CDH13: variants seen among roughly 807,000 people sequenced by gnomAD.
CDH13 encodes the protein cadherin-13.
In CDH13, 24 loss-of-function variants were observed where a neutral mutation model predicts 63.8. That is an observed-to-expected ratio of 0.38 (90% CI 0.27 to 0.53). The LOEUF (loss-of-function observed/expected upper bound fraction) is 0.53, where lower values mean the gene tolerates loss of function less well. CDH13 is among the 20% of genes least tolerant of loss of function. The probability of loss-of-function intolerance (pLI) is 0.85; values close to 1 mark genes in which losing one functional copy is unlikely to be tolerated. For missense variants in CDH13, 1,049 were observed against 903.1 expected (o/e 1.16, Z -2.07); for synonymous variants, 503 against 355.3 (o/e 1.42, Z -4.67).
chr16:82,635,518 T>A (rs931189298), intron 1 of CDH13, among the ~76,000 whole-genome samples: 1 of 152,192 alleles, frequency 6.6e-6, no homozygotes, highest in African/African-American at 2.4e-5. Context: ...TTGGTGTTTT[T>A]CTCAGAGCAA....
At chr16:83,063,449 A>G (rs1225075327) in intron 3 of CDH13, among the ~76,000 whole-genome samples, 1 of 152,144 alleles carries the variant, frequency 6.6e-6, no homozygotes, top group African/African-American at 2.4e-5. Flanking sequence ...TTGGCAAGGA[A>G]TGTGCAGCCA....
At chr16:83,743,213 A>G (rs934128863) in intron 10 of CDH13, among the ~76,000 whole-genome samples, 5 of 152,222 alleles carry the variant, frequency 3.3e-5, no homozygotes, top group Non-Finnish European at 5.9e-5. Context: ...GTCTCAAAAA[A>G]TAAAATAAAA....
intron 1 of CDH13, among the ~76,000 whole-genome samples, chr16:82,651,795 A>C (rs1183466068): frequency 6.6e-6 from 1 of 152,192 alleles, no homozygotes; most frequent in Non-Finnish European, 1.5e-5. Context: ...TAGGAGAAAC[A>C]ATGACAAGTG....
In CDH13 at chr16:83,306,708, T is replaced by G. The variant is rs150347922; in HGVS notation, c.637-38154T>G. On this transcript the variant is annotated intron_variant, in intron 5 of 13. Coordinates refer to ENST00000567109, the MANE Select transcript of CDH13 (RefSeq NM_001257.5). ...CCAAACTAGTGATAGGAGATTAGGC[T>G]GGAGGGGTAGGTGAGGGCTGGATTA... 2.8e-3 allele frequency among the ~76,000 whole-genome samples: 433 copies of G among 152,226 alleles called. 3 individuals are homozygous for G. Among genetic ancestry groups the G allele is most frequent in the African/African-American group, 9.8e-3 (408 of 41,540 alleles).
intron 6 of CDH13, among the ~76,000 whole-genome samples, chr16:83,434,847 A>ATGTGTG (rs1267789287): frequency 0.034 from 2,779 of 81,344 alleles, 51 homozygotes; most frequent in African/African-American, 0.076. Flanking sequence ...ATATATATAT[A>ATGTGTG]TGTGTGTGCG....
At chr16:83,496,991 C>T (rs1375667368) in intron 7 of CDH13, among the ~76,000 whole-genome samples, 1 of 152,178 alleles carries the variant, frequency 6.6e-6, no homozygotes, top group Non-Finnish European at 1.5e-5. Flanking sequence ...GAATGGCGAT[C>T]ATTCAAATGT....
At chr16:83,606,726 C>CA (rs11424833) in intron 8 of CDH13, among the ~76,000 whole-genome samples, 72,452 of 138,302 alleles carry the variant, frequency 0.52, 18,998 homozygotes, top group Middle Eastern at 0.69. Flanking sequence ...GACCCAGTTT[C>CA]AAAAAAAAAA....
Position 82,811,022 on chromosome 16 carries a change from G to A in CDH13, c.46-47340G>A, listed in dbSNP as rs138030551. Among the ~76,000 whole-genome samples the A allele has an allele frequency of 3.6e-3, 550 of 152,170 alleles. 3 individuals are homozygous for A. The highest frequency in any genetic ancestry group is 0.012 in the African/African-American group (515 of 41,526). On this transcript the variant is annotated intron_variant, in intron 1 of 13. Coordinates refer to ENST00000567109, the MANE Select transcript of CDH13 (RefSeq NM_001257.5). The stretch of plus-strand genomic sequence containing the variant: ...GCAGTCCATCTCAGATCCTGTTCAG[G>A]TGCATAGATTAAAATATTTTAAATT...
intron 4 of CDH13, chr16:83,171,553 G>C (rs560774136): frequency 1.3e-6 from 2 of 1,534,232 alleles, no homozygotes; most frequent in East Asian, 2.4e-5. Context: ...TGCCTAGCAC[G>C]ATGGCTGACA....
chr16:83,036,360 G>A (rs1049128368), intron 3 of CDH13, among the ~76,000 whole-genome samples: 2 of 151,894 alleles, frequency 1.3e-5, no homozygotes, highest in Non-Finnish European at 2.9e-5. Context: ...GTGTTGGCCA[G>A]GCTGGTGTTG....
chr16:83,345,099 A>G, intron 6 of CDH13, 93 bp downstream of exon 6: 3 of 1,408,420 alleles, frequency 2.1e-6, no homozygotes, highest in Non-Finnish European at 2.9e-6. Flanking sequence ...TGGCTGTTCC[A>G]ACTTGTCAGC....
chr16:82,637,493 C>T (rs1346123728), intron 1 of CDH13: 9 of 126,582 alleles, frequency 7.1e-5, no homozygotes, highest in Non-Finnish European at 1.1e-4. Flanking sequence ...GGCAGTGGCG[C>T]GATCTCGGCT....
chr16:83,660,785 C>T (rs1355985852), intron 8 of CDH13, among the ~76,000 whole-genome samples: 1 of 152,226 alleles, frequency 6.6e-6, no homozygotes, highest in Non-Finnish European at 1.5e-5. Context: ...AATCTCTCTG[C>T]TTCTCCGAAT....
intron 10 of CDH13, among the ~76,000 whole-genome samples, chr16:83,686,153 C>T (rs758268423): frequency 2.0e-5 from 3 of 152,164 alleles, no homozygotes; most frequent in Non-Finnish European, 4.4e-5. Flanking sequence ...ATCAGAACGC[C>T]GGAGCTTCCT....
At chr16:83,017,099 A>C (rs1349082668) in intron 2 of CDH13, among the ~76,000 whole-genome samples, 3 of 152,316 alleles carry the variant, frequency 2.0e-5, no homozygotes, top group African/African-American at 7.2e-5. Context: ...TCATTGAAGA[A>C]AGAACACTAG....
intron 11 of CDH13, among the ~76,000 whole-genome samples, chr16:83,775,582 A>G (rs1296124772): frequency 6.6e-6 from 1 of 152,048 alleles, no homozygotes; most frequent in African/African-American, 2.4e-5. Flanking sequence ...TTCTAGCTCC[A>G]TTTCTGGGTG....
chr16:83,185,735 A>T (rs536516729), intron 4 of CDH13, among the ~76,000 whole-genome samples: 1 of 152,238 alleles, frequency 6.6e-6, no homozygotes, highest in African/African-American at 2.4e-5. Context: ...TCTATGGAAT[A>T]AACAGGCACT....
chr16:83,126,735 G>C (rs924721674), intron 4 of CDH13, among the ~76,000 whole-genome samples: 1 of 152,192 alleles, frequency 6.6e-6, no homozygotes, highest in Non-Finnish European at 1.5e-5. Flanking sequence ...AAAAATGGTG[G>C]TTGGTTAAAT....
chr16:82,866,142 C>G (rs1229168262), intron 2 of CDH13, among the ~76,000 whole-genome samples: 1 of 152,102 alleles, frequency 6.6e-6, no homozygotes, highest in African/African-American at 2.4e-5. Context: ...TCAGCCTGGA[C>G]TTCATCGTAC....
Sources: allele counts gnomAD v4.1 joint callset (sites outside exome capture counted in the v4.1 genomes callset), GRCh38; gene constraint gnomAD v4.1.1; transcripts MANE v1.5; gene names NCBI Gene and HGNC (gene_info 2026-07-23, HGNC 2026-07-21).